Variants in SLC67A2 observed in about 807,000 individuals in gnomAD.
SLC67A2 encodes solute carrier family 67 member 2.
At chr2:102,731,509 T>A in the SLC67A2 span, among the ~76,000 whole-genome samples, 133 of 152,326 alleles carry the variant, frequency 8.7e-4, no homozygotes, top group Non-Finnish European at 1.6e-3. Context: ...TATAAAATGA[T>A]TTATTTTATA....
chr2:102,729,887 T>G, the SLC67A2 span, among the ~76,000 whole-genome samples: 1 of 152,196 alleles, frequency 6.6e-6, no homozygotes, highest in African/African-American at 2.4e-5. Flanking sequence ...ATTTAAGAAT[T>G]TATTATGGAA....
At chr2:102,725,031 T>G in the SLC67A2 span, among the ~76,000 whole-genome samples, 1 of 152,188 alleles carries the variant, frequency 6.6e-6, no homozygotes, top group Non-Finnish European at 1.5e-5. Flanking sequence ...TTTACATACA[T>G]GAGGGACGAA....
At chr2:102,714,958 G>T in the SLC67A2 span, among the ~76,000 whole-genome samples, 1 of 152,148 alleles carries the variant, frequency 6.6e-6, no homozygotes, top group South Asian at 2.1e-4. Flanking sequence ...ATACCTTATA[G>T]AAGTGTCTTC....
the SLC67A2 span, among the ~76,000 whole-genome samples, chr2:102,733,572 T>C: frequency 2.0e-5 from 3 of 152,206 alleles, no homozygotes; most frequent in African/African-American, 4.8e-5. Flanking sequence ...TATTTCAATA[T>C]TGCCATTACT....
the SLC67A2 span, chr2:102,723,723 A>G: frequency 6.2e-7 from 1 of 1,614,202 alleles, no homozygotes; most frequent in South Asian, 1.1e-5. Flanking sequence ...GAAGACCAAA[A>G]AGCAGATGAA....
chr2:102,717,828 C>T, the SLC67A2 span: 1 of 152,686 alleles, frequency 6.5e-6, no homozygotes, highest in Admixed American at 6.5e-5. Context: ...CCACCCAGGC[C>T]CACTGAATCA....
chr2:102,725,187 C>A, the SLC67A2 span, among the ~76,000 whole-genome samples: 91,181 of 151,916 alleles, frequency 0.6, 27,641 homozygotes, highest in African/African-American at 0.69. Context: ...TCAGTGGTTC[C>A]TTTTTAGGAC....
chr2:102,732,198 G>C, the SLC67A2 span: 1 of 871,676 alleles, frequency 1.1e-6, no homozygotes, highest in East Asian at 2.4e-5. Context: ...CTGGAAATTT[G>C]TTTTATCTCA....
At chr2:102,727,751 C>A in the SLC67A2 span, among the ~76,000 whole-genome samples, 1 of 152,162 alleles carries the variant, frequency 6.6e-6, no homozygotes, top group African/African-American at 2.4e-5. Context: ...CAATTACTCT[C>A]TGGAAAGATT....
At chr2:102,716,067 A>T in the SLC67A2 span, 1 of 152,320 alleles carries the variant, frequency 6.6e-6, no homozygotes, top group South Asian at 2.1e-4. Flanking sequence ...CATTAGATAA[A>T]GTAAAAGGAG....
chr2:102,721,248 G>A, the SLC67A2 span, among the ~76,000 whole-genome samples: 1 of 152,160 alleles, frequency 6.6e-6, no homozygotes, highest in Non-Finnish European at 1.5e-5. Flanking sequence ...CCACATTCAT[G>A]TACCTTCCTT....
At chr2:102,727,912 T>C in the SLC67A2 span, among the ~76,000 whole-genome samples, 1 of 152,214 alleles carries the variant, frequency 6.6e-6, no homozygotes, top group Non-Finnish European at 1.5e-5. Context: ...ATAATTTTTT[T>C]AAAATTTGTG....
At chr2:102,733,753 CAA>C in the SLC67A2 span, among the ~76,000 whole-genome samples, 1 of 138,864 alleles carries the variant, frequency 7.2e-6, no homozygotes, top group Non-Finnish European at 1.6e-5. Context: ...CATTTTTTTC[CAA>C]AAAAAAAAAG....
the SLC67A2 span, chr2:102,716,502 A>G: frequency 6.6e-6 from 1 of 152,368 alleles, no homozygotes; most frequent in Non-Finnish European, 1.5e-5. Context: ...ACATTTACAT[A>G]AAAGTTCACA....
the SLC67A2 span, chr2:102,727,053 C>T: frequency 6.6e-7 from 1 of 1,510,054 alleles, no homozygotes; most frequent in Middle Eastern, 1.8e-4. Flanking sequence ...AACAAAGTGA[C>T]CAGGGGAAAA....
At chr2:102,731,093 T>C in the SLC67A2 span, 5 of 1,606,420 alleles carry the variant, frequency 3.1e-6, no homozygotes, top group Non-Finnish European at 4.3e-6. Flanking sequence ...TCAATAACAA[T>C]AAAATCAGCT....
chr2:102,717,547 A>G, the SLC67A2 span: 14 of 152,508 alleles, frequency 9.2e-5, no homozygotes, highest in African/African-American at 2.6e-4. Flanking sequence ...GTTTAGTCCA[A>G]CTTCAGAGCA....
At chr2:102,716,454 A>G in the SLC67A2 span, 1 of 152,222 alleles carries the variant, frequency 6.6e-6, no homozygotes, top group African/African-American at 2.4e-5. Flanking sequence ...AGGCCATTTT[A>G]TATATTAATA....
At chr2:102,735,214 G>A in the SLC67A2 span, among the ~76,000 whole-genome samples, 4 of 152,212 alleles carry the variant, frequency 2.6e-5, no homozygotes, top group Non-Finnish European at 5.9e-5. Context: ...GAAGTTAAAG[G>A]CATGGAGCTG....
Sources: gnomAD v4.1 joint callset for allele counts (sites outside exome capture counted in the v4.1 genomes callset) on GRCh38, gnomAD v4.1.1 for gene constraint, MANE v1.5 for transcripts, NCBI Gene and HGNC (gene_info 2026-07-23, HGNC 2026-07-21) for gene names.